Variants in CDH12 observed in about 807,000 individuals in gnomAD.
CDH12 encodes the protein cadherin 12.
In CDH12, 41 loss-of-function variants were observed where a neutral mutation model predicts 74.1. That is an observed-to-expected ratio of 0.55 (90% CI 0.43 to 0.72). The LOEUF is 0.72. Ranked by LOEUF, CDH12 falls within the 30% of genes least tolerant of loss-of-function variation. The pLI, the probability that CDH12 is intolerant of heterozygous loss-of-function variation, is 0.00. For missense variants in CDH12, 945 were observed against 977.2 expected, an observed-to-expected ratio of 0.97 and a Z score of 0.44; for synonymous variants, 399 against 355.0, an observed-to-expected ratio of 1.12 and a Z score of -1.39.
At chr5:22,071,691 A>G (rs1008774272) in intron 5 of CDH12, among the ~76,000 whole-genome samples, 5 of 152,046 alleles carry the variant, frequency 3.3e-5, no homozygotes, top group African/African-American at 1.2e-4. Context: ...CTGTATTCCA[A>G]TTACTCTCTT....
At chr5:22,347,638 T>G (rs942607689) in intron 3 of CDH12, among the ~76,000 whole-genome samples, 9 of 152,218 alleles carry the variant, frequency 5.9e-5, no homozygotes, top group Non-Finnish European at 8.8e-5. Flanking sequence ...CTTTAAGTTC[T>G]GTCCCTCTAA....
intron 4 of CDH12, among the ~76,000 whole-genome samples, chr5:22,108,063 C>T (rs1744591483): frequency 6.6e-6 from 1 of 152,170 alleles, no homozygotes; most frequent in Admixed American, 6.6e-5. Context: ...TATTGTTTGG[C>T]TGTGTTCCCA....
intron 1 of CDH12, among the ~76,000 whole-genome samples, chr5:22,814,622 A>G (rs922906558): frequency 2.0e-5 from 3 of 152,202 alleles, no homozygotes; most frequent in African/African-American, 7.2e-5. Context: ...TCTGAAAAAA[A>G]GCTCTGAAGT....
rs546086405 is a variant in CDH12, at chr5:22,233,914, G to T, written c.-332-21271C>A. ...ACAGGATTCCACTAATAGAAATAAT[G>T]ATCAATGCATAGTCCCAATAGTGCA... On this transcript the variant is annotated intron_variant, in intron 3 of 14. Coordinates refer to ENST00000382254, the MANE Select transcript of CDH12 (RefSeq NM_004061.5). Among the ~76,000 whole-genome samples the T allele has an allele frequency of 1.2e-4, 18 of 152,216 alleles. 1 individual carries two copies. The South Asian group carries it at 3.7e-3, about 32-fold the overall frequency.
At chr5:22,255,784 T>G (rs927732008) in intron 3 of CDH12, among the ~76,000 whole-genome samples, 4 of 151,762 alleles carry the variant, frequency 2.6e-5, no homozygotes, top group Non-Finnish European at 4.4e-5. Context: ...TAAAATTAAG[T>G]TTTTTAAAAA....
chr5:22,179,914 G>A (rs1404696587), intron 4 of CDH12, among the ~76,000 whole-genome samples: 1 of 152,158 alleles, frequency 6.6e-6, no homozygotes, highest in Admixed American at 6.5e-5. Flanking sequence ...CCAAGTAGAG[G>A]AAGCCACTAA....
Position 21,806,841 on chromosome 5 carries a change from T to C in CDH12, c.1003-4421A>G, listed in dbSNP as rs77284432. 5.3e-3 allele frequency among the ~76,000 whole-genome samples: 804 copies of C among 152,340 alleles called. 5 individuals are homozygous for C. Among genetic ancestry groups the C allele is most frequent in the African/African-American group, 0.018 (748 of 41,592 alleles). The stretch of plus-strand genomic sequence containing the variant: ...ATTCCCCAGCATAGCCCAAGCTAAC[T>C]ATGGAATTTAGTTTATACTTTAACT... On this transcript the variant is annotated intron_variant, in intron 9 of 14. Coordinates refer to ENST00000382254, the MANE Select transcript of CDH12 (RefSeq NM_004061.5).
chr5:22,477,420 T>C (rs1378946839), intron 2 of CDH12, among the ~76,000 whole-genome samples: 3 of 152,188 alleles, frequency 2.0e-5, no homozygotes, highest in African/African-American at 7.2e-5. Context: ...TATGATCTCA[T>C]TTTCTTTTAT....
chr5:22,439,472 A>C (rs1276048776), intron 2 of CDH12, among the ~76,000 whole-genome samples: 1 of 152,102 alleles, frequency 6.6e-6, no homozygotes. Flanking sequence ...AAGTGCAAAC[A>C]TGTTTGATAT....
At chr5:21,770,618 CAA>C (rs33944200) in intron 11 of CDH12, among the ~76,000 whole-genome samples, 18 of 83,942 alleles carry the variant, frequency 2.1e-4, no homozygotes, top group Admixed American at 4.1e-4. Context: ...AAGTCCATCT[CAA>C]AAAAAAAAAA....
intron 1 of CDH12, among the ~76,000 whole-genome samples, chr5:22,621,735 G>T (rs980682261): frequency 6.6e-6 from 1 of 151,890 alleles, no homozygotes; most frequent in African/African-American, 2.4e-5. Context: ...CACTAAATTT[G>T]AAATTTTAAA....
In CDH12 at chr5:21,912,107, T is replaced by A. The variant is rs559862955; in HGVS notation, c.527-57317A>T. Among the ~76,000 whole-genome samples the A allele has an allele frequency of 7.9e-5, 12 of 152,210 alleles. No homozygotes were observed. The South Asian group carries it at 2.1e-3, about 26-fold the overall frequency. On this transcript the variant is annotated intron_variant, in intron 6 of 14. Transcript: ENST00000382254. ...AAGAGAGAAAGACTATTTCTAATAG[T>A]TTTTAAAATTAGTTTCTAGATGTTC... is the stretch of plus-strand genomic sequence containing the variant.
chr5:22,779,052 G>A (rs1490352390), intron 1 of CDH12, among the ~76,000 whole-genome samples: 3 of 152,042 alleles, frequency 2.0e-5, no homozygotes, highest in Non-Finnish European at 4.4e-5. Context: ...AAACTATTGT[G>A]CAATTTTAAG....
intron 7 of CDH12, among the ~76,000 whole-genome samples, chr5:21,846,778 T>C (rs930039054): frequency 1.3e-5 from 2 of 152,154 alleles, no homozygotes; most frequent in African/African-American, 4.8e-5. Flanking sequence ...CTCTTTTACT[T>C]TGGAGCTAAA....
At chr5:22,485,912 A>G (rs1746572389) in intron 2 of CDH12, among the ~76,000 whole-genome samples, 2 of 152,216 alleles carry the variant, frequency 1.3e-5, no homozygotes, top group Admixed American at 6.5e-5. Context: ...GCAAAAGAAT[A>G]CACAGCCCAA....
intron 1 of CDH12, among the ~76,000 whole-genome samples, chr5:22,560,714 G>A (rs186099346): frequency 1.2e-4 from 19 of 152,036 alleles, no homozygotes; most frequent in Admixed American, 3.3e-4. Context: ...TGCACAGATC[G>A]TCAAGTTTTG....
chr5:21,879,735 G>A (rs1752141780), intron 6 of CDH12, among the ~76,000 whole-genome samples: 1 of 152,180 alleles, frequency 6.6e-6, no homozygotes. Context: ...GAGATTAAAA[G>A]TTTAAGGGAG....
intron 4 of CDH12, among the ~76,000 whole-genome samples, chr5:22,174,602 C>T (rs10050903): frequency 0.098 from 14,873 of 151,800 alleles, 1,299 homozygotes; most frequent in African/African-American, 0.24. Flanking sequence ...TTAATATAGA[C>T]CGACCATAAT....
intron 8 of CDH12, among the ~76,000 whole-genome samples, chr5:21,822,373 C>T (rs747178514): frequency 6.6e-6 from 1 of 151,698 alleles, no homozygotes; most frequent in Admixed American, 6.6e-5. Flanking sequence ...TCTAAAAAGT[C>T]GTTTTAATTT....
Sources: allele counts gnomAD v4.1 joint callset (sites outside exome capture counted in the v4.1 genomes callset), GRCh38; gene constraint gnomAD v4.1.1; transcripts MANE v1.5; gene names NCBI Gene and HGNC (gene_info 2026-07-23, HGNC 2026-07-21).